Variants in MGAT4C observed in about 807,000 individuals in gnomAD.
The protein encoded by MGAT4C is alpha-1,3-mannosyl-glycoprotein 4-beta-N-acetylglucosaminyltransferase C.
A neutral mutation model predicts 40.1 loss-of-function variants in MGAT4C; 19 were observed. The observed-to-expected ratio is 0.47, with a 90% CI of 0.33 to 0.70. The LOEUF is 0.70. Ranked by LOEUF, MGAT4C falls within the 30% of genes least tolerant of loss-of-function variation. The probability of loss-of-function intolerance (pLI) is 0.02; values close to 1 mark genes in which losing one functional copy is unlikely to be tolerated. For synonymous variants in MGAT4C, 181 were observed against 187.1 expected (o/e 0.97, Z 0.27); for missense variants, 491 against 563.2 (o/e 0.87, Z 1.30).
At chr12:86,650,200 A>G (rs941042991) in intron 2 of MGAT4C, among the ~76,000 whole-genome samples, 1 of 151,970 alleles carries the variant, frequency 6.6e-6, no homozygotes. Flanking sequence ...GAAAAAAATT[A>G]TAAGGAAAAT....
chr12:86,099,087 CTAAT>C (rs1351301395), intron 1 of MGAT4C, among the ~76,000 whole-genome samples: 10 of 151,238 alleles, frequency 6.6e-5, no homozygotes, highest in African/African-American at 1.4e-4. Context: ...TCAGAATTCT[CTAAT>C]TATTTTTAAA....
chr12:86,448,181 T>G (rs992590542), intron 2 of MGAT4C, among the ~76,000 whole-genome samples: 10 of 152,146 alleles, frequency 6.6e-5, no homozygotes, highest in Admixed American at 3.9e-4. Flanking sequence ...CTCCCAGAAT[T>G]CCATAGAAGG....
intron 2 of MGAT4C, among the ~76,000 whole-genome samples, chr12:86,596,447 G>T (rs1348621663): frequency 6.6e-6 from 1 of 152,154 alleles, no homozygotes; most frequent in African/African-American, 2.4e-5. Context: ...CAGGTTTGAG[G>T]GATAGAATTA....
intron 2 of MGAT4C, among the ~76,000 whole-genome samples, chr12:86,463,304 C>A (rs77654576): frequency 0.012 from 1,840 of 152,252 alleles, 14 homozygotes; most frequent in Middle Eastern, 0.027. Flanking sequence ...ACTCTACCAG[C>A]TATAGTCTTT....
chr12:86,801,832 TCCAGA>T (rs755760834), intron 1 of MGAT4C, among the ~76,000 whole-genome samples: 14,522 of 151,798 alleles, frequency 0.096, 949 homozygotes, highest in Non-Finnish European at 0.14. Flanking sequence ...CCCTAATTCT[TCCAGA>T]AATAGGTAAT....
intron 2 of MGAT4C, among the ~76,000 whole-genome samples, chr12:86,674,707 AAAT>A (rs1216909900): frequency 6.6e-6 from 1 of 152,118 alleles, no homozygotes; most frequent in East Asian, 1.9e-4. Context: ...AAAAAAATAA[AAAT>A]AATAATAATT....
At chr12:86,087,583 T>C (rs1427942487) in intron 1 of MGAT4C, among the ~76,000 whole-genome samples, 1 of 152,082 alleles carries the variant, frequency 6.6e-6, no homozygotes, top group Non-Finnish European at 1.5e-5. Context: ...TTTGCTGAAG[T>C]TGTTTATCAG....
At chr12:86,306,241 A>G (rs540599406) in intron 4 of MGAT4C, among the ~76,000 whole-genome samples, 50 of 150,660 alleles carry the variant, frequency 3.3e-4, no homozygotes, top group Admixed American at 1.4e-3. Flanking sequence ...ACATAGGTCT[A>G]CACACACTTA....
rs75345669 is a variant in MGAT4C, at chr12:86,041,130, T to C, written c.-7+8544A>G. On this transcript the variant is annotated intron_variant, in intron 2 of 4. Transcript: ENST00000611864. ...GACCGGAGCTTTTCTTATTCAGCCA[T>C]CTTGCCCATTTTTTTTTTTCCTGTT... Among the ~76,000 whole-genome samples, 108 of 143,914 alleles carry C rather than the reference T, an allele frequency of 7.5e-4. 2 individuals are homozygous for C. In the East Asian group the frequency reaches 0.02, roughly 26 times the overall value. The allele number at this position is 143,914 out of a possible 152,430, so 94.4% of individuals were successfully genotyped here. A position where few individuals can be genotyped will look rare whatever the true frequency, so the allele number is the denominator to read the frequency against.
intron 4 of MGAT4C, among the ~76,000 whole-genome samples, chr12:86,331,115 G>C (rs984264956): frequency 4.6e-5 from 7 of 152,110 alleles, no homozygotes; most frequent in African/African-American, 1.7e-4. Context: ...TTATAAGAAG[G>C]AAGGGCATGA....
At chr12:86,036,668 G>A (rs1891267502) in intron 2 of MGAT4C, among the ~76,000 whole-genome samples, 1 of 149,992 alleles carries the variant, frequency 6.7e-6, no homozygotes, top group African/African-American at 2.4e-5. Flanking sequence ...TGGTGGATAA[G>A]CTTTTTGATG....
chr12:86,174,527 A>G (rs1887193702), intron 1 of MGAT4C, among the ~76,000 whole-genome samples: 2 of 152,144 alleles, frequency 1.3e-5, no homozygotes, highest in South Asian at 4.1e-4. Flanking sequence ...TACATGTGTT[A>G]TCATTGACTT....
intron 4 of MGAT4C, among the ~76,000 whole-genome samples, chr12:86,284,363 G>T (rs1298536907): frequency 2.0e-5 from 3 of 151,488 alleles, no homozygotes; most frequent in African/African-American, 7.3e-5. Context: ...TGTGGTCCTC[G>T]CAAAGCTTCT....
At chr12:86,679,813 T>A (rs1451665346) in intron 2 of MGAT4C, among the ~76,000 whole-genome samples, 1 of 152,108 alleles carries the variant, frequency 6.6e-6, no homozygotes, top group Non-Finnish European at 1.5e-5. Context: ...CTGTAAGGAA[T>A]ACATTTCTGC....
intron 1 of MGAT4C, among the ~76,000 whole-genome samples, chr12:86,234,435 C>G (rs971747447): frequency 6.6e-6 from 1 of 152,142 alleles, no homozygotes; most frequent in Non-Finnish European, 1.5e-5. Flanking sequence ...TTTGTATGCA[C>G]ACTTGAGAGA....
intron 2 of MGAT4C, among the ~76,000 whole-genome samples, chr12:86,705,193 TTATC>T (rs1175964802): frequency 2.7e-5 from 4 of 150,662 alleles, no homozygotes; most frequent in Non-Finnish European, 5.9e-5. Context: ...AACTCTCTAA[TTATC>T]TATCTATCTG....
At chr12:86,237,005 A>C (rs2136031905) in intron 1 of MGAT4C, among the ~76,000 whole-genome samples, 1 of 150,468 alleles carries the variant, frequency 6.6e-6, no homozygotes, top group South Asian at 2.1e-4. Context: ...AATATATGTT[A>C]ATATTTATAT....
At chr12:86,286,568 A>C (rs931009007) in intron 4 of MGAT4C, among the ~76,000 whole-genome samples, 1 of 152,140 alleles carries the variant, frequency 6.6e-6, no homozygotes, top group Non-Finnish European at 1.5e-5. Flanking sequence ...ATAGTTTCTA[A>C]GTGAAAAGTA....
intron 1 of MGAT4C, among the ~76,000 whole-genome samples, chr12:86,770,007 TATAATA>T (rs1314854854): frequency 6.6e-6 from 1 of 151,788 alleles, no homozygotes; most frequent in Non-Finnish European, 1.5e-5. Context: ...AAACTGAAAG[TATAATA>T]ATAATAAAAT....
Sources: gnomAD v4.1 joint callset for allele counts (sites outside exome capture counted in the v4.1 genomes callset) on GRCh38, gnomAD v4.1.1 for gene constraint, MANE v1.5 for transcripts, NCBI Gene and HGNC (gene_info 2026-07-23, HGNC 2026-07-21) for gene names.